Variants in EIF4G3 observed in about 807,000 individuals in gnomAD.
EIF4G3 encodes eIF-4-gamma 3.
In EIF4G3, 34 loss-of-function variants were observed where a neutral mutation model predicts 186.4. The observed-to-expected ratio is 0.18, with a 90% confidence interval of 0.14 to 0.24. The LOEUF is 0.24. Among genes scored for constraint, EIF4G3 ranks in the 10% least tolerant of loss-of-function variants. The pLI is 1.00. For missense variants in EIF4G3, 1,536 were observed against 1,948.5 expected (o/e 0.79, Z 3.99); for synonymous variants, 673 against 679.5 (o/e 0.99, Z 0.15).
At chr1:20,884,733 T>C (rs916764228) in intron 19 of EIF4G3, among the ~76,000 whole-genome samples, 1 of 152,216 alleles carries the variant, frequency 6.6e-6, no homozygotes, top group African/African-American at 2.4e-5. Context: ...CCAAGTACAG[T>C]TTGACAGCAT....
intron 15 of EIF4G3, 90 bp downstream of exon 15, chr1:20,904,793 G>A: frequency 1.2e-6 from 1 of 860,750 alleles, no homozygotes; most frequent in Non-Finnish European, 1.7e-6. Context: ...AGTTTTGCTT[G>A]GAAAACTATT....
intron 31 of EIF4G3, among the ~76,000 whole-genome samples, chr1:20,828,029 G>GTTTTTTTT (rs67354523): frequency 1.6e-5 from 2 of 127,418 alleles, no homozygotes; most frequent in African/African-American, 3.0e-5. Context: ...CTTTTATAAA[G>GTTTTTTTT]TTTTTTTTTT....
intron 3 of EIF4G3, among the ~76,000 whole-genome samples, chr1:21,087,160 A>C (rs1056902152): frequency 2.0e-5 from 3 of 152,154 alleles, no homozygotes; most frequent in Admixed American, 6.5e-5. Context: ...GTAGACTATG[A>C]GTCCTTTTAA....
intron 29 of EIF4G3, among the ~76,000 whole-genome samples, chr1:20,842,608 C>T (rs921727267): frequency 2.0e-5 from 3 of 152,300 alleles, no homozygotes; most frequent in East Asian, 3.9e-4. Context: ...CTCAGGTAAT[C>T]GCCTGCCTCA....
intron 2 of EIF4G3, among the ~76,000 whole-genome samples, chr1:21,128,609 C>T (rs1288156975): frequency 6.6e-6 from 1 of 152,174 alleles, no homozygotes; most frequent in African/African-American, 2.4e-5. Flanking sequence ...CAGCAATTAT[C>T]CAGGTTCTTT....
At chr1:20,863,245 C>T (rs1175690173) in intron 22 of EIF4G3, among the ~76,000 whole-genome samples, 2 of 151,678 alleles carry the variant, frequency 1.3e-5, no homozygotes, top group South Asian at 4.2e-4. Flanking sequence ...CTAAAGAGAC[C>T]AGAGGGGCCA....
intron 19 of EIF4G3, among the ~76,000 whole-genome samples, chr1:20,883,386 A>C (rs4654882): frequency 0.33 from 49,878 of 151,968 alleles, 8,766 homozygotes; most frequent in Non-Finnish European, 0.39. Flanking sequence ...TGGGAGGCCG[A>C]GGTGGGCAGA....
chr1:20,879,588 TTAA>T, intron 19 of EIF4G3, 68 bp from the exon 20 acceptor site: 1 of 986,740 alleles, frequency 1.0e-6, no homozygotes, highest in Non-Finnish European at 1.4e-6. Flanking sequence ...TCTGTAATGA[TTAA>T]TTTTAAAAAT....
At chr1:21,165,220 C>T (rs553531064) in intron 2 of EIF4G3, among the ~76,000 whole-genome samples, 1 of 152,330 alleles carries the variant, frequency 6.6e-6, no homozygotes, top group African/African-American at 2.4e-5. Flanking sequence ...AATCCTCATA[C>T]ATTGTTGGCA....
chr1:20,915,329 C>A (rs1299463842), intron 14 of EIF4G3, among the ~76,000 whole-genome samples: 3 of 151,928 alleles, frequency 2.0e-5, no homozygotes, highest in Non-Finnish European at 4.4e-5. Context: ...CCAACTTTCC[C>A]AGAATATTGA....
At chr1:21,100,761 C>T (rs2096498131) in intron 2 of EIF4G3, among the ~76,000 whole-genome samples, 1 of 152,122 alleles carries the variant, frequency 6.6e-6, no homozygotes, top group African/African-American at 2.4e-5. Flanking sequence ...CGAATCTACA[C>T]AAACAAAGAG....
At chr1:20,849,363 T>G in intron 29 of EIF4G3, 52 bp downstream of exon 29, 1 of 1,017,120 alleles carries the variant, frequency 9.8e-7, no homozygotes, top group Non-Finnish European at 1.4e-6. Flanking sequence ...CAAGTTATTC[T>G]ATACTATCAA....
rs1259424206 is a variant in EIF4G3 at position 20,807,206 on chromosome 1, C to G, written c.*113G>C. The stretch of plus-strand genomic sequence containing the variant: ...CTTTCCCCTCTCCCACTCGTGCACA[C>G]GTGGGGGTTTCTGCGAGAATTGGCC... On this transcript the variant is annotated 3_prime_UTR_variant, in exon 37 of 37. Coordinates refer to ENST00000602326, the MANE Select transcript of EIF4G3 (RefSeq NM_001391906.1). 1.1e-6 allele frequency: 1 copy of G among 934,158 alleles called. No homozygotes were observed. The highest frequency in any genetic ancestry group is 2.5e-5 in the East Asian group (1 of 39,348). The allele number at this position is 934,158 out of a possible 1,614,324, so 57.9% of individuals were successfully genotyped here. A position where few individuals can be genotyped will look rare whatever the true frequency, so the allele number is the denominator to read the frequency against.
At chr1:21,068,400 A>AAAAAAAAAAAAAAAAAAAT (rs2095338394) in intron 3 of EIF4G3, among the ~76,000 whole-genome samples, 1 of 140,574 alleles carries the variant, frequency 7.1e-6, no homozygotes, top group African/African-American at 2.6e-5. Flanking sequence ...AAAAAAAAAA[A>AAAAAAAAAAAAAAAAAAAT]CAGAATACTT....
At chr1:20,828,630 G>C (rs2064271472) in intron 31 of EIF4G3, among the ~76,000 whole-genome samples, 1 of 152,210 alleles carries the variant, frequency 6.6e-6, no homozygotes, top group African/African-American at 2.4e-5. Context: ...GGAAACACTA[G>C]TGTTTCGAAG....
intron 2 of EIF4G3, among the ~76,000 whole-genome samples, chr1:21,162,748 CAA>C (rs11291861): frequency 6.6e-6 from 1 of 151,514 alleles, no homozygotes; most frequent in Non-Finnish European, 1.5e-5. Context: ...ACTCCATCTC[CAA>C]AAAAAAATAA....
intron 15 of EIF4G3, 79 bp downstream of exon 15, chr1:20,904,804 T>C (rs1425332315): frequency 3.0e-6 from 3 of 990,590 alleles, no homozygotes; most frequent in Non-Finnish European, 4.4e-6. Flanking sequence ...GAAAACTATT[T>C]CAATAAATAG....
chr1:20,870,992 C>T (rs1361829934), intron 20 of EIF4G3, among the ~76,000 whole-genome samples: 1 of 152,102 alleles, frequency 6.6e-6, no homozygotes, highest in Non-Finnish European at 1.5e-5. Context: ...TGTGTGTATA[C>T]AGTACTACAG....
intron 30 of EIF4G3, among the ~76,000 whole-genome samples, chr1:20,833,841 T>G (rs1040407124): frequency 3.3e-5 from 5 of 152,092 alleles, no homozygotes; most frequent in African/African-American, 4.8e-5. Context: ...CCACAGCCAA[T>G]ATCATACTGA....
Sources: gnomAD v4.1 joint callset for allele counts (sites outside exome capture counted in the v4.1 genomes callset) on GRCh38, gnomAD v4.1.1 for gene constraint, MANE v1.5 for transcripts, NCBI Gene and HGNC (gene_info 2026-07-23, HGNC 2026-07-21) for gene names.